Variants in DSCC1 observed in about 807,000 individuals in gnomAD.
The protein encoded by DSCC1 is sister chromatid cohesion protein DCC1.
A neutral mutation model predicts 48.2 loss-of-function variants in DSCC1; 32 were observed. That is an observed-to-expected ratio of 0.66 (90% CI 0.50 to 0.89). DSCC1 has a LOEUF of 0.89. Among genes scored for constraint, DSCC1 ranks in the 40% least tolerant of loss-of-function variants. DSCC1 has a pLI of 0.00. For synonymous variants in DSCC1, 150 were observed against 171.5 expected (o/e 0.87, Z 0.98); for missense variants, 421 against 471.7 (o/e 0.89, Z 1.00).
intron 8 of DSCC1, among the ~76,000 whole-genome samples, chr8:119,835,249 G>C (rs1483389536): frequency 6.6e-6 from 1 of 152,160 alleles, no homozygotes; most frequent in East Asian, 1.9e-4. Context: ...GCTCACGCCT[G>C]TAATCCCAGC....
chr8:119,836,149 C>G (rs533751163), intron 8 of DSCC1, among the ~76,000 whole-genome samples: 5 of 152,168 alleles, frequency 3.3e-5, no homozygotes, highest in Non-Finnish European at 7.3e-5. Flanking sequence ...CCTGTCTCTA[C>G]TAAAAACACA....
At chr8:119,840,844 G>A (rs552642650) in intron 7 of DSCC1, among the ~76,000 whole-genome samples, 18 of 151,660 alleles carry the variant, frequency 1.2e-4, no homozygotes, top group African/African-American at 3.4e-4. Flanking sequence ...CCCAGGAGGC[G>A]GGGGTTGCAG....
rs1826625260 is a variant in DSCC1 at position 119,834,160 on chromosome 8, A to G, written c.*733T>C. 1 of 152,218 alleles carries G rather than the reference A, an allele frequency of 6.6e-6. No individual in the cohort carries two copies. The allele number at this position is 152,218 out of a possible 1,614,324, so 9.4% of individuals were successfully genotyped here. On this transcript the variant is annotated 3_prime_UTR_variant, in exon 9 of 9. Transcript: ENST00000313655. Reference sequence around the variant, plus strand: ...ACCCCCTCCAACTGTCCTGGTGATGAGTTCATTAGCTAAGTTAAAATTAAT... The same window carrying G: ...ACCCCCTCCAACTGTCCTGGTGATGGGTTCATTAGCTAAGTTAAAATTAAT...
chr8:119,838,230 T>G (rs906326391), intron 8 of DSCC1, 29 bp downstream of exon 8: 1 of 1,517,278 alleles, frequency 6.6e-7, no homozygotes, highest in African/African-American at 1.4e-5. Context: ...AGAACGACCC[T>G]CAAAATCCGT....
rs143256429 is a variant in DSCC1 at position 119,843,324 on chromosome 8, A to G, written c.716+285T>C. ...AGGACAGTCTTGATCTCCTGACCTC[A>G]TGATCCACCTGCCTCGGCCTCCCAA... On this transcript the variant is annotated intron_variant, in intron 5 of 8. Coordinates refer to ENST00000313655, the MANE Select transcript of DSCC1 (RefSeq NM_024094.3). Among the ~76,000 whole-genome samples the G allele has an allele frequency of 6.0e-3, 911 of 151,734 alleles. 7 individuals are homozygous for G. The highest frequency in any genetic ancestry group is 9.7e-3 in the Non-Finnish European group (655 of 67,858).
intron 7 of DSCC1, 27 bp from the exon 8 acceptor site, chr8:119,838,434 A>G: frequency 6.5e-7 from 1 of 1,540,796 alleles, no homozygotes; most frequent in African/African-American, 1.4e-5. Context: ...GAAACAGAGC[A>G]GTTAAAGTAA....
chr8:119,855,748 C>T lies in DSCC1; in HGVS notation c.48G>A (p.Lys16=), dbSNP rs1334784383. ...DEVDATLQIA[K]LNAAELLPAV... ...CCGGCAGCAGCTCGGCCGCATTCAGCTTGGCGATCTGCAGCGTCGCATCCA... is the reference window on the plus strand; with the variant it reads ...CCGGCAGCAGCTCGGCCGCATTCAGTTTGGCGATCTGCAGCGTCGCATCCA... Residue 16 remains lysine, a synonymous_variant, in exon 1 of 9, where the codon AAG becomes AAA. Transcript: ENST00000313655. The T allele has an allele frequency of 1.9e-6, 3 of 1,578,678 alleles. No homozygotes were observed. Among genetic ancestry groups the T allele is most frequent in the African/African-American group, 1.4e-5 (1 of 73,028 alleles).
chr8:119,843,105 G>C (rs1385712796), intron 5 of DSCC1, among the ~76,000 whole-genome samples: 1 of 149,154 alleles, frequency 6.7e-6, no homozygotes, highest in Non-Finnish European at 1.5e-5. Flanking sequence ...TTTATTTATT[G>C]TTTGTTTTAT....
At chr8:119,844,201 G>A (rs1319622738) in intron 4 of DSCC1, among the ~76,000 whole-genome samples, 1 of 152,094 alleles carries the variant, frequency 6.6e-6, no homozygotes, top group Non-Finnish European at 1.5e-5. Flanking sequence ...ACTTTGGGAG[G>A]CCGAGGCTGG....
rs67730947 is a variant in DSCC1 at position 119,845,051 on chromosome 8, T to TTTTA, written c.578-1308_578-1305dup. Among the ~76,000 whole-genome samples, 1,189 of 138,398 alleles carry TTTTA rather than the reference T, an allele frequency of 8.6e-3. 13 individuals carry two copies. The highest frequency in any genetic ancestry group is 0.02 in the African/African-American group (755 of 36,942). 90.8% of individuals were successfully genotyped at this position (138,398 alleles called of 152,430 possible). On this transcript the variant is annotated intron_variant, in intron 4 of 8. Transcript: ENST00000313655. ...TCCTGTGAGAGATTATGACATGCCA[T>TTTTA]TTTATTTATTTATTTATTTATTTAT...
At chr8:119,835,025 T>C in intron 8 of DSCC1, 24 bp from the exon 9 acceptor site, 1 of 1,418,874 alleles carries the variant, frequency 7.0e-7, no homozygotes. Flanking sequence ...AAAAAATATA[T>C]AACATGAATA....
chr8:119,843,499 G>T, intron 5 of DSCC1, 110 bp downstream of exon 5: 1 of 1,404,474 alleles, frequency 7.1e-7, no homozygotes, highest in Non-Finnish European at 9.6e-7. Context: ...ATTTCTCAAA[G>T]ATATCAAAAT....
In DSCC1 at chr8:119,840,741, G is replaced by A. The variant is rs552111015; in HGVS notation, c.924+1053C>T. 4.0e-5 allele frequency among the ~76,000 whole-genome samples: 6 copies of A among 151,780 alleles called. No individual in the cohort carries two copies. In the South Asian group the frequency reaches 8.3e-4, roughly 21 times the overall value. ...AGCCTGGCCAACATGGCGAAACCCC[G>A]TCTCTACTAAGCATACAAAAATTAG... On this transcript the variant is annotated intron_variant, in intron 7 of 8. Coordinates refer to ENST00000313655, the MANE Select transcript of DSCC1 (RefSeq NM_024094.3).
chr8:119,837,999 C>T (rs190029092), intron 8 of DSCC1, among the ~76,000 whole-genome samples: 4 of 152,196 alleles, frequency 2.6e-5, no homozygotes, highest in Admixed American at 2.6e-4. Flanking sequence ...TTTTGTCCCT[C>T]AAAGGGGACA....
chr8:119,849,401 C>T lies in DSCC1; in HGVS notation c.486+981G>A, dbSNP rs200626538. ...AGCCTGGGCAAGAAGAGCAAAACTC[C>T]GTCTGCAAACAAAACAAAACAAAAC... is the stretch of plus-strand genomic sequence containing the variant. On this transcript the variant is annotated intron_variant, in intron 3 of 8. Transcript: ENST00000313655. Among the ~76,000 whole-genome samples, 75 of 152,142 alleles carry T rather than the reference C, an allele frequency of 4.9e-4. No individual in the cohort carries two copies. The East Asian group carries it at 0.012, about 25-fold the overall frequency.
chr8:119,852,376 CAG>C (rs1197772439), intron 2 of DSCC1, among the ~76,000 whole-genome samples: 1 of 152,148 alleles, frequency 6.6e-6, no homozygotes, highest in African/African-American at 2.4e-5. Context: ...TTTTTGGAGA[CAG>C]AGTCTTGCTC....
chr8:119,841,127 G>T (rs1826762504), intron 7 of DSCC1, among the ~76,000 whole-genome samples: 1 of 151,772 alleles, frequency 6.6e-6, no homozygotes, highest in South Asian at 2.1e-4. Context: ...GAGTAACTAG[G>T]ATTACAGGTG....
At chr8:119,843,911 G>C (rs1180881976) in intron 4 of DSCC1, among the ~76,000 whole-genome samples, 164 bp from the exon 5 acceptor site, 1 of 151,936 alleles carries the variant, frequency 6.6e-6, no homozygotes, top group Non-Finnish European at 1.5e-5. Flanking sequence ...TGAGCAGCTG[G>C]GACTACGGGC....
chr8:119,844,957 T>C (rs995527492), intron 4 of DSCC1, among the ~76,000 whole-genome samples: 1 of 152,222 alleles, frequency 6.6e-6, no homozygotes, highest in Non-Finnish European at 1.5e-5. Flanking sequence ...AAAGAGATGA[T>C]AGACTCTGAG....
Sources: gnomAD v4.1 joint callset for allele counts (sites outside exome capture counted in the v4.1 genomes callset) on GRCh38, gnomAD v4.1.1 for gene constraint, MANE v1.5 for transcripts, NCBI Gene and HGNC (gene_info 2026-07-23, HGNC 2026-07-21) for gene names.